Variants in PAWR observed in about 807,000 individuals in gnomAD.
The protein encoded by PAWR is pro-apoptotic WT1 regulator.
A neutral mutation model predicts 32.0 loss-of-function variants in PAWR; 23 were observed. The observed-to-expected ratio is 0.72, with a 90% CI of 0.52 to 1.02. PAWR has a LOEUF of 1.02. Ranked by LOEUF, PAWR falls within the 50% of genes least tolerant of loss-of-function variation. The pLI is 0.00. For missense variants in PAWR, 457 were observed against 437.7 expected, an observed-to-expected ratio of 1.04 and a Z score of -0.39; for synonymous variants, 226 against 187.1, an observed-to-expected ratio of 1.21 and a Z score of -1.70.
At chr12:79,645,792 T>G (rs1248931357) in intron 2 of PAWR, among the ~76,000 whole-genome samples, 10 of 152,188 alleles carry the variant, frequency 6.6e-5, no homozygotes, top group Non-Finnish European at 1.5e-4. Context: ...CTCCTAACTA[T>G]AGTGTTTCAT....
chr12:79,599,893 T>C (rs1368970362), intron 4 of PAWR, among the ~76,000 whole-genome samples: 1 of 152,208 alleles, frequency 6.6e-6, no homozygotes, highest in Non-Finnish European at 1.5e-5. Flanking sequence ...AAAATACTAG[T>C]GATCACATGT....
intron 2 of PAWR, among the ~76,000 whole-genome samples, chr12:79,680,817 T>C (rs2054447841): frequency 6.6e-6 from 1 of 151,528 alleles, no homozygotes; most frequent in Non-Finnish European, 1.5e-5. Context: ...AAACACAATA[T>C]ATGAAAAGAA....
At chr12:79,640,636 G>T (rs1275582093) in intron 2 of PAWR, among the ~76,000 whole-genome samples, 1 of 152,142 alleles carries the variant, frequency 6.6e-6, no homozygotes, top group East Asian at 1.9e-4. Context: ...AGCCACTTGG[G>T]AGGCTGAGGT....
chr12:79,615,782 T>G (rs1325749119), intron 3 of PAWR, among the ~76,000 whole-genome samples: 1 of 151,978 alleles, frequency 6.6e-6, no homozygotes, highest in Non-Finnish European at 1.5e-5. Flanking sequence ...TCCAGCTGGG[T>G]GCAGTGGCTC....
intron 2 of PAWR, among the ~76,000 whole-genome samples, chr12:79,643,336 G>A (rs1186503127): frequency 2.0e-5 from 3 of 152,046 alleles, no homozygotes; most frequent in Non-Finnish European, 4.4e-5. Flanking sequence ...AATAGTCAAA[G>A]AAGTAATGAA....
rs1873674934 is a variant in PAWR, at chr12:79,594,495, GT to G, written c.832-63del. 22 of 777,978 alleles carry G rather than the reference GT, an allele frequency of 2.8e-5. No homozygotes were observed. The South Asian group carries it at 3.5e-4, about 13-fold the overall frequency. 48.2% of individuals were successfully genotyped at this position (777,978 alleles called of 1,614,324 possible). On this transcript the variant is annotated intron_variant, in intron 5 of 6. Coordinates refer to ENST00000328827, the MANE Select transcript of PAWR (RefSeq NM_002583.4). The stretch of plus-strand genomic sequence containing the variant: ...AATTGTTTATTTATAATCTTCCTAA[GT>G]GGCATATATCTCCCCAATTTGGTAA...
rs1374370397 is a variant in PAWR, at chr12:79,609,432, A to C, written c.683+4143T>G. Among the ~76,000 whole-genome samples, 6 of 152,118 alleles carry C rather than the reference A, an allele frequency of 3.9e-5. No homozygotes were observed. The East Asian group carries it at 1.2e-3, about 29-fold the overall frequency. On this transcript the variant is annotated intron_variant, in intron 4 of 6. Transcript: ENST00000328827. The stretch of plus-strand genomic sequence containing the variant: ...TGGTCCTGGTGAGGGTCCCACCCTC[A>C]ATCCTTGAACTGTGGCCCAAAGTGA...
Position 79,689,731 on chromosome 12 carries a change from C to G in PAWR, c.514G>C (p.Glu172Gln). The G allele has an allele frequency of 6.4e-7, 1 of 1,555,364 alleles. No individual in the cohort carries two copies. Among genetic ancestry groups the G allele is most frequent in the Non-Finnish European group, 8.7e-7 (1 of 1,154,002 alleles). ...GCTGCGGCCCCCGCCCGGCTCACCT[C>G]TGCGGCAGGGATGTTGACCACGCCG... is the stretch of plus-strand genomic sequence containing the variant. The part of the protein sequence containing the change: ...STGVVNIPAA[E>Q]CLDEYEDDEA... The change falls in exon 2 of 7, where the codon GAG becomes CAG. Residue 172 changes from glutamate to glutamine, a missense_variant and splice_region_variant. Coordinates refer to ENST00000328827, the MANE Select transcript of PAWR (RefSeq NM_002583.4).
rs71091677 is a variant in PAWR at position 79,632,312 on chromosome 12, CATATAT to C, written c.517-11111_517-11106del. 2.8e-3 allele frequency: 33 copies of C among 11,596 alleles called. 1 individual carries two copies. The highest frequency in any genetic ancestry group is 0.1 in the Middle Eastern group (2 of 20). 0.7% of individuals were successfully genotyped at this position (11,596 alleles called of 1,614,324 possible). ...AAATATATACATATATATATACATA[CATATAT>C]ATATATATATATATATATATATATA... On this transcript the variant is annotated intron_variant, in intron 2 of 6. Coordinates refer to ENST00000328827, the MANE Select transcript of PAWR (RefSeq NM_002583.4).
intron 2 of PAWR, among the ~76,000 whole-genome samples, chr12:79,680,874 C>G (rs1328112817): frequency 6.6e-6 from 1 of 151,848 alleles, no homozygotes; most frequent in Non-Finnish European, 1.5e-5. Flanking sequence ...CCCAACAACA[C>G]TTTGAGAGGC....
intron 2 of PAWR, among the ~76,000 whole-genome samples, chr12:79,679,590 G>A (rs1055222610): frequency 6.6e-6 from 1 of 152,228 alleles, no homozygotes; most frequent in Admixed American, 6.5e-5. Flanking sequence ...GGTAGAGGCT[G>A]AGTATTTAAG....
At chr12:79,604,152 G>T in intron 4 of PAWR, 1 of 778,510 alleles carries the variant, frequency 1.3e-6, no homozygotes, top group Non-Finnish European at 1.6e-6. Flanking sequence ...AAAATACTCA[G>T]AATAAAAGAT....
At position 79,604,148 on chromosome 12, in the gene PAWR, C is replaced by T. The variant is rs572833593; in HGVS notation, c.684-7490G>A. 6.6e-5 allele frequency: 50 copies of T among 753,226 alleles called. No homozygotes were observed. In the African/African-American group the frequency reaches 8.5e-4, roughly 13 times the overall value. 46.7% of individuals were successfully genotyped at this position (753,226 alleles called of 1,614,324 possible). A position where few individuals can be genotyped will look rare whatever the true frequency, so the allele number is the denominator to read the frequency against. ...AGCCAGATATGCACAGTGCAAAATA[C>T]TCAGAATAAAAGATTGTTCATTAAC... is the stretch of plus-strand genomic sequence containing the variant. On this transcript the variant is annotated intron_variant, in intron 4 of 6. Coordinates refer to ENST00000328827, the MANE Select transcript of PAWR (RefSeq NM_002583.4).
At chr12:79,676,768 T>A (rs1878191155) in intron 2 of PAWR, among the ~76,000 whole-genome samples, 1 of 152,156 alleles carries the variant, frequency 6.6e-6, no homozygotes, top group Non-Finnish European at 1.5e-5. Flanking sequence ...CCCAATCAGG[T>A]TACTAATTCT....
intron 2 of PAWR, among the ~76,000 whole-genome samples, chr12:79,624,352 G>A (rs183108257): frequency 1.8e-3 from 280 of 152,056 alleles, no homozygotes; most frequent in African/African-American, 5.9e-3. Context: ...CAAAACACTC[G>A]GTAAATGTTT....
chr12:79,684,441 T>A (rs987730719), intron 2 of PAWR, among the ~76,000 whole-genome samples: 3 of 151,922 alleles, frequency 2.0e-5, no homozygotes, highest in African/African-American at 7.3e-5. Context: ...CGAAACACCA[T>A]CTCTACTAAA....
intron 2 of PAWR, among the ~76,000 whole-genome samples, chr12:79,630,245 T>C (rs922535553): frequency 6.6e-6 from 1 of 151,692 alleles, no homozygotes; most frequent in Non-Finnish European, 1.5e-5. Context: ...TAAAAATAAA[T>C]GATATTCTAT....
At chr12:79,605,860 G>C (rs1433543367) in intron 4 of PAWR, among the ~76,000 whole-genome samples, 1 of 152,092 alleles carries the variant, frequency 6.6e-6, no homozygotes, top group Non-Finnish European at 1.5e-5. Flanking sequence ...GATCACTTGA[G>C]GCCAGGATTT....
intron 2 of PAWR, among the ~76,000 whole-genome samples, chr12:79,644,216 G>A (rs1876465805): frequency 6.6e-6 from 1 of 152,054 alleles, no homozygotes; most frequent in East Asian, 1.9e-4. Context: ...ATTTCAGGAG[G>A]ACAGAACAAG....
Sources: gnomAD v4.1 joint callset for allele counts (sites outside exome capture counted in the v4.1 genomes callset) on GRCh38, gnomAD v4.1.1 for gene constraint, MANE v1.5 for transcripts, NCBI Gene and HGNC (gene_info 2026-07-23, HGNC 2026-07-21) for gene names.